LRRC7: variants seen among roughly 807,000 people sequenced by gnomAD.
LRRC7 encodes leucine-rich repeat-containing protein 7.
Under a neutral mutation model 175.7 loss-of-function variants are expected in LRRC7, and 23 were observed. That is an observed-to-expected ratio of 0.13 (90% CI 0.09 to 0.19). The LOEUF is 0.19. Ranked by LOEUF, LRRC7 falls within the 10% of genes least tolerant of loss-of-function variation. The probability of loss-of-function intolerance (pLI) is 1.00; values close to 1 mark genes in which losing one functional copy is unlikely to be tolerated. For missense variants in LRRC7, 1,354 were observed against 1,904.7 expected, an observed-to-expected ratio of 0.71 and a Z score of 5.38; for synonymous variants, 685 against 680.9, an observed-to-expected ratio of 1.01 and a Z score of -0.09.
At chr1:69,862,338 A>G (rs1684442830) in intron 7 of LRRC7, among the ~76,000 whole-genome samples, 1 of 152,212 alleles carries the variant, frequency 6.6e-6, no homozygotes, top group Admixed American at 6.6e-5. Context: ...AGAGAGTGGG[A>G]TCTTAAAAGA....
At chr1:69,964,026 C>A (rs761461356) in intron 8 of LRRC7, among the ~76,000 whole-genome samples, 3 of 152,192 alleles carry the variant, frequency 2.0e-5, no homozygotes, top group Non-Finnish European at 4.4e-5. Context: ...TAGGTAACAT[C>A]ATGCTAGGTG....
chr1:70,045,447 G>A (rs1444914406), intron 22 of LRRC7, among the ~76,000 whole-genome samples: 2 of 152,070 alleles, frequency 1.3e-5, no homozygotes, highest in African/African-American at 4.8e-5. Flanking sequence ...CCATCAGCAT[G>A]ACTATTTTTA....
chr1:69,862,267 C>T (rs573835548), intron 7 of LRRC7, among the ~76,000 whole-genome samples: 14 of 152,204 alleles, frequency 9.2e-5, no homozygotes, highest in East Asian at 1.9e-4. Flanking sequence ...CCAGGTTGAA[C>T]GTGGAAAACT....
rs539215429 is a variant in LRRC7 at position 69,816,358 on chromosome 1, A to ACCTC, written c.422-9389_422-9386dup. ...GACCTAATTATCTCCAAAATGCCTC[A>ACCTC]CCTCTTAAAAACGTATCACCTTGGG... On this transcript the variant is annotated intron_variant, in intron 4 of 26. Transcript: ENST00000651989. Among the ~76,000 whole-genome samples the ACCTC allele has an allele frequency of 2.5e-3, 386 of 152,266 alleles. 4 individuals carry two copies. The highest frequency in any genetic ancestry group is 9.0e-3 in the African/African-American group (372 of 41,544).
At chr1:69,829,779 T>C (rs527541902) in intron 5 of LRRC7, among the ~76,000 whole-genome samples, 11 of 151,944 alleles carry the variant, frequency 7.2e-5, no homozygotes, top group East Asian at 1.9e-4. Flanking sequence ...TTAGATTTCA[T>C]TGAATACTTT....
At chr1:70,021,391 T>A (rs184199301) in intron 16 of LRRC7, 5 of 260,986 alleles carry the variant, frequency 1.9e-5, no homozygotes, top group African/African-American at 2.3e-5. Flanking sequence ...TGAGGGAAAG[T>A]AGAAAAAAAA....
intron 1 of LRRC7, among the ~76,000 whole-genome samples, chr1:69,608,993 T>C (rs1191943226): frequency 6.7e-6 from 1 of 149,246 alleles, no homozygotes; most frequent in African/African-American, 2.4e-5. Flanking sequence ...TTACCTAACA[T>C]GATATGATTT....
At chr1:69,863,002 G>A (rs1481859367) in intron 7 of LRRC7, among the ~76,000 whole-genome samples, 3 of 152,050 alleles carry the variant, frequency 2.0e-5, no homozygotes, top group Non-Finnish European at 4.4e-5. Context: ...TTTCAGTATT[G>A]AATTCATCAT....
intron 8 of LRRC7, among the ~76,000 whole-genome samples, chr1:69,964,523 A>G (rs1394220048): frequency 6.6e-6 from 1 of 152,198 alleles, no homozygotes; most frequent in African/African-American, 2.4e-5. Flanking sequence ...TGCCTTACTT[A>G]TAGTAAGTAC....
intron 24 of LRRC7, among the ~76,000 whole-genome samples, chr1:70,080,316 A>G (rs890888490): frequency 3.9e-5 from 6 of 152,212 alleles, no homozygotes; most frequent in Non-Finnish European, 7.3e-5. Flanking sequence ...ATGAACATAT[A>G]TAATAAGTGC....
intron 2 of LRRC7, among the ~76,000 whole-genome samples, chr1:69,753,339 G>T (rs1351782514): frequency 6.7e-6 from 1 of 149,136 alleles, no homozygotes; most frequent in Non-Finnish European, 1.5e-5. Context: ...AACTACTTCT[G>T]GTAAATTCAT....
intron 2 of LRRC7, among the ~76,000 whole-genome samples, chr1:69,690,210 C>T (rs1661670804): frequency 6.6e-6 from 1 of 152,164 alleles, no homozygotes; most frequent in African/African-American, 2.4e-5. Context: ...ATTTTCCTAG[C>T]ACCTCTGGCT....
intron 2 of LRRC7, among the ~76,000 whole-genome samples, chr1:69,749,641 C>T (rs1474324415): frequency 2.6e-5 from 4 of 152,086 alleles, no homozygotes; most frequent in Admixed American, 6.6e-5. Flanking sequence ...AATCATTCAA[C>T]ATTATTTTTT....
intron 25 of LRRC7, among the ~76,000 whole-genome samples, chr1:70,105,546 T>C (rs1248450611): frequency 6.6e-6 from 1 of 152,182 alleles, no homozygotes; most frequent in Non-Finnish European, 1.5e-5. Context: ...ACCACACACA[T>C]TGTTTTATAA....
At chr1:69,900,114 G>T (rs1646093038) in intron 7 of LRRC7, among the ~76,000 whole-genome samples, 1 of 151,866 alleles carries the variant, frequency 6.6e-6, no homozygotes, top group Non-Finnish European at 1.5e-5. Flanking sequence ...AAATTTGTAG[G>T]CTGTATAAAA....
At chr1:69,700,471 G>GAACT (rs991080514) in intron 2 of LRRC7, among the ~76,000 whole-genome samples, 2 of 152,086 alleles carry the variant, frequency 1.3e-5, no homozygotes, top group African/African-American at 4.8e-5. Flanking sequence ...AATACTTATA[G>GAACT]TATCCTGTTC....
intron 24 of LRRC7, among the ~76,000 whole-genome samples, chr1:70,082,805 T>TTTTTTTTTTTTTTTTTTG: frequency 7.9e-6 from 1 of 126,904 alleles, no homozygotes; most frequent in African/African-American, 3.0e-5. Context: ...TTTTTTTTTT[T>TTTTTTTTTTTTTTTTTTG]TTTTTTTGAG....
rs1225905015 is a variant in LRRC7, at chr1:69,665,398, A to G, written c.3-12983A>G. Among the ~76,000 whole-genome samples the G allele has an allele frequency of 3.3e-5, 5 of 152,122 alleles. No homozygotes were observed. The East Asian group carries it at 5.8e-4, about 18-fold the overall frequency. ...AAATTTGTAGATTGCTTTGAGTAGT[A>G]TGGACATTTTTACATTGATTGATTC... On this transcript the variant is annotated intron_variant, in intron 1 of 26. Coordinates refer to ENST00000651989, the MANE Select transcript of LRRC7 (RefSeq NM_001370785.2).
chr1:69,943,333 C>T (rs1360749446), intron 8 of LRRC7, among the ~76,000 whole-genome samples: 1 of 152,008 alleles, frequency 6.6e-6, no homozygotes. Flanking sequence ...AAACATTATG[C>T]CAACTAAAAG....
Sources: allele counts gnomAD v4.1 joint callset (sites outside exome capture counted in the v4.1 genomes callset), GRCh38; gene constraint gnomAD v4.1.1; transcripts MANE v1.5; gene names NCBI Gene and HGNC (gene_info 2026-07-23, HGNC 2026-07-21).